The following ADCK1 variants were observed in gnomAD, a reference collection of about 807,000 sequenced individuals.
The protein encoded by ADCK1 is aarF domain containing kinase 1.
ADCK1 carries 41 observed loss-of-function variants against 52.3 expected under a neutral mutation model. The observed-to-expected ratio is 0.78, with a 90% CI of 0.61 to 1.02. ADCK1 has a LOEUF of 1.02. ADCK1 is among the 50% of genes least tolerant of loss of function. The pLI is 0.00. For synonymous variants in ADCK1, 250 were observed against 274.6 expected (o/e 0.91, Z 0.89); for missense variants, 658 against 679.5 (o/e 0.97, Z 0.35).
intron 3 of ADCK1, among the ~76,000 whole-genome samples, chr14:77,856,950 C>T (rs560742319): frequency 1.3e-5 from 2 of 151,588 alleles, no homozygotes; most frequent in Middle Eastern, 3.4e-3. Flanking sequence ...TGCAGTGAGC[C>T]GAGACTGCAC....
At chr14:77,881,726 C>T (rs1389395394) in intron 4 of ADCK1, among the ~76,000 whole-genome samples, 1 of 152,122 alleles carries the variant, frequency 6.6e-6, no homozygotes, top group Non-Finnish European at 1.5e-5. Context: ...CTCCTAGCCT[C>T]AAGCAGTCCT....
Position 77,863,752 on chromosome 14 carries a change from A to T in ADCK1, c.423+4473A>T, listed in dbSNP as rs142903422. Reference sequence around the variant, plus strand: ...CTTGGAAGGCTGTGGCAGGAGAATCACTTGAACCCAGGAGGCGGAGGTTGC... The same window carrying T: ...CTTGGAAGGCTGTGGCAGGAGAATCTCTTGAACCCAGGAGGCGGAGGTTGC... On this transcript the variant is annotated intron_variant, in intron 4 of 10. Coordinates refer to ENST00000238561, the MANE Select transcript of ADCK1 (RefSeq NM_020421.4). Among the ~76,000 whole-genome samples the T allele has an allele frequency of 6.9e-3, 1,055 of 152,048 alleles. 13 individuals are homozygous for T. Among genetic ancestry groups the T allele is most frequent in the African/African-American group, 0.024 (998 of 41,462 alleles).
intron 4 of ADCK1, among the ~76,000 whole-genome samples, chr14:77,882,825 A>G (rs1595009272): frequency 6.6e-6 from 1 of 151,932 alleles, no homozygotes; most frequent in Admixed American, 6.6e-5. Flanking sequence ...ATAGTCTCTT[A>G]CTCTGCCCTT....
intron 3 of ADCK1, among the ~76,000 whole-genome samples, chr14:77,843,344 A>G (rs2082114068): frequency 6.6e-6 from 1 of 152,204 alleles, no homozygotes; most frequent in Admixed American, 6.5e-5. Flanking sequence ...CTCGCGGCCT[A>G]ACACTTGTTT....
At chr14:77,909,776 GTTCT>G (rs1173357591) in intron 7 of ADCK1, among the ~76,000 whole-genome samples, 2 of 152,188 alleles carry the variant, frequency 1.3e-5, no homozygotes, top group African/African-American at 4.8e-5. Flanking sequence ...TTTGGGCTCT[GTTCT>G]TTCTTTCTCC....
At chr14:77,885,132 C>T (rs1369915416) in intron 4 of ADCK1, among the ~76,000 whole-genome samples, 1 of 152,210 alleles carries the variant, frequency 6.6e-6, no homozygotes, top group Non-Finnish European at 1.5e-5. Context: ...AGACAAAAAT[C>T]TTTGCCCACT....
In ADCK1 at chr14:77,923,790, T is replaced by C. The variant is rs1335317252; in HGVS notation, c.859-667T>C. On this transcript the variant is annotated intron_variant, in intron 7 of 10. Coordinates refer to ENST00000238561, the MANE Select transcript of ADCK1 (RefSeq NM_020421.4). The surrounding 1 kb of genome is among the most constrained non-coding windows in gnomAD (Gnocchi z 4.3). ...ACTGCCTCGTCAGGGAGAGCAGCAG[T>C]GACAGGATGATTTAAACGGCTTCTC... 1.3e-5 allele frequency: 2 copies of C among 152,154 alleles called. No individual in the cohort carries two copies. The highest frequency in any genetic ancestry group is 4.8e-5 in the African/African-American group (2 of 41,390). The allele number at this position is 152,154 out of a possible 1,614,324, so 9.4% of individuals were successfully genotyped here. A position where few individuals can be genotyped will look rare whatever the true frequency, so the allele number is the denominator to read the frequency against.
At chr14:77,932,892 A>C (rs2084372258) in intron 10 of ADCK1, among the ~76,000 whole-genome samples, 1 of 152,164 alleles carries the variant, frequency 6.6e-6, no homozygotes, top group Non-Finnish European at 1.5e-5. Context: ...TGAGTTTGGG[A>C]GATTCTTGGT....
chr14:77,858,195 T>A (rs1262027851), intron 3 of ADCK1, among the ~76,000 whole-genome samples: 1 of 152,130 alleles, frequency 6.6e-6, no homozygotes, highest in Non-Finnish European at 1.5e-5. Flanking sequence ...GAGCCCTAGA[T>A]TTTGGAGTGT....
At chr14:77,905,318 T>TTTTTTTTTTTTTTTTTTTTG in intron 6 of ADCK1, among the ~76,000 whole-genome samples, 1 of 146,026 alleles carries the variant, frequency 6.8e-6, no homozygotes, top group Non-Finnish European at 1.5e-5. Context: ...TTTTTTTTTT[T>TTTTTTTTTTTTTTTTTTTTG]TTTTTTGAGA....
intron 3 of ADCK1, among the ~76,000 whole-genome samples, chr14:77,852,665 ATATATATATATATAT>A (rs2082314204): frequency 1.6e-4 from 14 of 88,866 alleles, no homozygotes; most frequent in East Asian, 6.3e-4. Flanking sequence ...AAATAAATAT[ATATATATATATATAT>A]ATATATATAT....
intron 4 of ADCK1, among the ~76,000 whole-genome samples, chr14:77,884,014 C>T (rs1372229368): frequency 6.6e-6 from 1 of 152,204 alleles, no homozygotes; most frequent in African/African-American, 2.4e-5. Flanking sequence ...CCTCACCTCC[C>T]TGTGGGGTGC....
At chr14:77,888,859 C>T (rs1036381303) in intron 5 of ADCK1, among the ~76,000 whole-genome samples, 6 of 152,170 alleles carry the variant, frequency 3.9e-5, no homozygotes, top group South Asian at 4.1e-4. Context: ...ACCCTATATA[C>T]GCTGTTTCTT....
intron 3 of ADCK1, among the ~76,000 whole-genome samples, chr14:77,839,787 G>A (rs1245751191): frequency 6.6e-6 from 1 of 151,816 alleles, no homozygotes; most frequent in Non-Finnish European, 1.5e-5. Context: ...GCCAGGTGTG[G>A]TAGTGCGCGC....
At chr14:77,893,526 CT>C (rs1273345131) in intron 5 of ADCK1, among the ~76,000 whole-genome samples, 1 of 152,086 alleles carries the variant, frequency 6.6e-6, no homozygotes, top group Non-Finnish European at 1.5e-5. Flanking sequence ...GTACTATGCC[CT>C]TCATGCACTA....
Position 77,818,989 on chromosome 14 carries a change from A to C in ADCK1, c.11A>C (p.Lys4Thr), listed in dbSNP as rs780877558. The C allele has an allele frequency of 6.2e-7, 1 of 1,614,126 alleles. No individual in the cohort carries two copies. Among genetic ancestry groups the C allele is most frequent in the Admixed American group, 1.7e-5 (1 of 59,980 alleles). ...GCAGGATCTGGCGACATGGCCAGAAAGGCTCTCAAGCTTGCTTCGTGGACC... is the reference window on the plus strand; with the variant it reads ...GCAGGATCTGGCGACATGGCCAGAACGGCTCTCAAGCTTGCTTCGTGGACC... MAR[K>T]ALKLASWTSM... is the part of the protein sequence containing the mutation. Residue 4 changes from lysine (K) to threonine (T), a missense_variant, in exon 2 of 11, where the codon AAG (lysine) becomes ACG (threonine). Physicochemically the swap from Lys to Thr is moderately conservative, Grantham distance 78. Coordinates refer to ENST00000238561, the MANE Select transcript of ADCK1 (RefSeq NM_020421.4).
At chr14:77,924,651 G>T in intron 8 of ADCK1, 45 bp downstream of exon 8, 1 of 1,604,750 alleles carries the variant, frequency 6.2e-7, no homozygotes. Flanking sequence ...TCTGGGGTTA[G>T]AGTCTGCTGA....
At chr14:77,852,656 AATAAAT>A (rs1204147194) in intron 3 of ADCK1, among the ~76,000 whole-genome samples, 61 of 26,158 alleles carry the variant, frequency 2.3e-3, no homozygotes, top group Non-Finnish European at 3.3e-3. Context: ...TCTTTAAATA[AATAAAT>A]ATATATATAT....
chr14:77,930,461 G>A (rs2084301696), intron 9 of ADCK1, among the ~76,000 whole-genome samples: 1 of 152,046 alleles, frequency 6.6e-6, no homozygotes, highest in South Asian at 2.1e-4. Context: ...GGGCACAGAG[G>A]GTATTGGCAT....
Sources: gnomAD v4.1 joint callset for allele counts (sites outside exome capture counted in the v4.1 genomes callset) on GRCh38, gnomAD v4.1.1 for gene constraint, Gnocchi (gnomAD v3.1) non-coding constraint, MANE v1.5 for transcripts, NCBI Gene and HGNC (gene_info 2026-07-23, HGNC 2026-07-21) for gene names.